The following SCAMP1 variants were observed in gnomAD, a reference collection of about 807,000 sequenced individuals.
SCAMP1 encodes secretory carrier membrane protein 1.
Under a neutral mutation model 41.8 loss-of-function variants are expected in SCAMP1, and 15 were observed. The ratio of observed to expected loss-of-function variants is 0.36; its 90% CI spans 0.24 to 0.55. The LOEUF (loss-of-function observed/expected upper bound fraction) is 0.55, where lower values mean the gene tolerates loss of function less well. Ranked by LOEUF, SCAMP1 falls within the 20% of genes least tolerant of loss-of-function variation. SCAMP1 has a pLI of 0.86. For synonymous variants in SCAMP1, 135 were observed against 136.8 expected, an observed-to-expected ratio of 0.99 and a Z score of 0.09; for missense variants, 341 against 412.6, an observed-to-expected ratio of 0.83 and a Z score of 1.50.
At chr5:78,422,445 C>A (rs1752360987) in intron 6 of SCAMP1, among the ~76,000 whole-genome samples, 1 of 151,944 alleles carries the variant, frequency 6.6e-6, no homozygotes, top group African/African-American at 2.4e-5. Context: ...AAAGGCAGCA[C>A]CATTTTAAAA....
intron 6 of SCAMP1, among the ~76,000 whole-genome samples, chr5:78,436,428 A>G (rs2112177491): frequency 6.6e-6 from 1 of 152,374 alleles, no homozygotes; most frequent in South Asian, 2.1e-4. Context: ...ATCCGGTTTC[A>G]GCTTTCTACA....
intron 6 of SCAMP1, among the ~76,000 whole-genome samples, chr5:78,440,667 TGAG>T (rs937765231): frequency 3.9e-5 from 6 of 152,186 alleles, no homozygotes; most frequent in African/African-American, 1.4e-4. Context: ...GGGACCCACT[TGAG>T]GAGGCAGTCC....
At chr5:78,398,870 A>C (rs922476671) in intron 2 of SCAMP1, among the ~76,000 whole-genome samples, 1 of 152,192 alleles carries the variant, frequency 6.6e-6, no homozygotes, top group Admixed American at 6.5e-5. Context: ...GATGTTGTAC[A>C]TTCTGTGGGT....
chr5:78,437,348 T>G (rs1464494715), intron 6 of SCAMP1, among the ~76,000 whole-genome samples: 2 of 152,228 alleles, frequency 1.3e-5, no homozygotes, highest in Non-Finnish European at 2.9e-5. Flanking sequence ...TGGCTGTGGG[T>G]TTGTCATAAA....
At chr5:78,413,899 T>G (rs1247844084) in intron 2 of SCAMP1, among the ~76,000 whole-genome samples, 1 of 152,056 alleles carries the variant, frequency 6.6e-6, no homozygotes, top group Non-Finnish European at 1.5e-5. Flanking sequence ...TGCAGCTTCT[T>G]TCTTTTTTAT....
chr5:78,393,756 T>C (rs758428331), intron 2 of SCAMP1, among the ~76,000 whole-genome samples: 2 of 152,204 alleles, frequency 1.3e-5, no homozygotes, highest in Non-Finnish European at 2.9e-5. Flanking sequence ...ATCTAATGCA[T>C]AAATAGAGAA....
In SCAMP1 at chr5:78,479,618, A is replaced by G. The variant is rs191182014; in HGVS notation, c.*3950A>G. On this transcript the variant is annotated 3_prime_UTR_variant, in exon 9 of 9. Transcript: ENST00000621999. ...CCAGGTATTGCCACTAACCTGTCTT[A>G]TATAAGCAGATACCTCTTATTTGAA... Among the ~76,000 whole-genome samples the G allele has an allele frequency of 2.4e-4, 36 of 152,372 alleles. No individual in the cohort carries two copies. Among genetic ancestry groups the G allele is most frequent in the African/African-American group, 8.2e-4 (34 of 41,586 alleles).
intron 6 of SCAMP1, among the ~76,000 whole-genome samples, chr5:78,442,705 A>G (rs1226301650): frequency 6.6e-6 from 1 of 152,006 alleles, no homozygotes; most frequent in African/African-American, 2.4e-5. Flanking sequence ...CTACTGGCTG[A>G]TTTTGTCTGT....
intron 6 of SCAMP1, among the ~76,000 whole-genome samples, chr5:78,439,798 C>T (rs980646905): frequency 1.3e-5 from 2 of 152,126 alleles, no homozygotes; most frequent in Admixed American, 6.5e-5. Flanking sequence ...TGGATAATAT[C>T]CTTTAGAGTG....
chr5:78,367,739 T>C (rs1293826220), intron 1 of SCAMP1, among the ~76,000 whole-genome samples: 2 of 152,166 alleles, frequency 1.3e-5, no homozygotes, highest in Non-Finnish European at 2.9e-5. Context: ...TAGGATAACT[T>C]CACTAGACAC....
chr5:78,400,437 A>G (rs1751769656), intron 2 of SCAMP1, among the ~76,000 whole-genome samples: 1 of 152,176 alleles, frequency 6.6e-6, no homozygotes, highest in Non-Finnish European at 1.5e-5. Flanking sequence ...ATTGCGTTGA[A>G]TCTGTAGATC....
intron 8 of SCAMP1, among the ~76,000 whole-genome samples, chr5:78,461,881 A>G (rs1753623555): frequency 6.6e-6 from 1 of 152,154 alleles, no homozygotes; most frequent in South Asian, 2.1e-4. Flanking sequence ...GTCAGGCAAT[A>G]TGATGCCTCT....
At chr5:78,416,986 CA>C (rs1191414878) in intron 4 of SCAMP1, among the ~76,000 whole-genome samples, 5 of 152,208 alleles carry the variant, frequency 3.3e-5, no homozygotes, top group African/African-American at 1.2e-4. Context: ...AGTACATTTG[CA>C]TGTACCCTAC....
At chr5:78,460,808 C>CTTTCTTTCTTTCTTTCTTTCTTTT (rs1164686959) in intron 8 of SCAMP1, among the ~76,000 whole-genome samples, 18 of 23,172 alleles carry the variant, frequency 7.8e-4, no homozygotes, top group East Asian at 5.3e-3. Flanking sequence ...TTCCTTCCTC[C>CTTTCTTTCTTTCTTTCTTTCTTTT]CTTCCTTCCT....
rs1751719503 is a variant in SCAMP1, at chr5:78,398,612, T to G, written c.135+9698T>G. 2.8e-5 allele frequency among the ~76,000 whole-genome samples: 4 copies of G among 143,126 alleles called. No individual in the cohort carries two copies. In the South Asian group the frequency reaches 9.1e-4, roughly 33 times the overall value. The allele number at this position is 143,126 out of a possible 152,430, so 93.9% of individuals were successfully genotyped here. On this transcript the variant is annotated intron_variant, in intron 2 of 8. Transcript: ENST00000621999. ...TGTCGCCCAGGCTGGAGTGCGATCT[T>G]GGCTCACTGCAACCTCCACCTCCTG...
intron 7 of SCAMP1, among the ~76,000 whole-genome samples, chr5:78,457,563 C>G (rs913379889): frequency 2.6e-5 from 4 of 152,184 alleles, no homozygotes; most frequent in African/African-American, 9.7e-5. Flanking sequence ...CAGCTGCGTG[C>G]TGGGAGAACC....
intron 7 of SCAMP1, among the ~76,000 whole-genome samples, chr5:78,453,568 A>G (rs895015115): frequency 1.2e-4 from 18 of 151,298 alleles, no homozygotes; most frequent in Non-Finnish European, 2.4e-4. Flanking sequence ...TACCAGTACC[A>G]TGCTGTTTTG....
chr5:78,438,735 T>G (rs1049846311), intron 6 of SCAMP1, among the ~76,000 whole-genome samples: 1 of 152,196 alleles, frequency 6.6e-6, no homozygotes, highest in Non-Finnish European at 1.5e-5. Flanking sequence ...CAGGTCCGCT[T>G]GGTGCAGAGC....
chr5:78,437,719 C>T (rs1227136808), intron 6 of SCAMP1, among the ~76,000 whole-genome samples: 1 of 152,138 alleles, frequency 6.6e-6, no homozygotes, highest in African/African-American at 2.4e-5. Flanking sequence ...CAGGATGATG[C>T]TGGCCTCATA....
Sources: gnomAD v4.1 joint callset for allele counts (sites outside exome capture counted in the v4.1 genomes callset) on GRCh38, gnomAD v4.1.1 for gene constraint, MANE v1.5 for transcripts, NCBI Gene and HGNC (gene_info 2026-07-23, HGNC 2026-07-21) for gene names.